The following GGPS1 variants were observed in gnomAD, a reference collection of about 807,000 sequenced individuals.
The protein encoded by GGPS1 is geranylgeranyl pyrophosphate synthase.
GGPS1 carries 15 observed loss-of-function variants against 28.1 expected under a neutral mutation model. That is an observed-to-expected ratio of 0.53 (90% CI 0.36 to 0.82). The LOEUF is 0.82. Ranked by LOEUF, GGPS1 falls within the 40% of genes least tolerant of loss-of-function variation. GGPS1 has a pLI of 0.01. For missense variants in GGPS1, 284 were observed against 348.3 expected (o/e 0.82, Z 1.47); for synonymous variants, 138 against 122.4 (o/e 1.13, Z -0.84).
At chr1:235,340,442 T>C (rs1189492719) in intron 2 of GGPS1, among the ~76,000 whole-genome samples, 3 of 148,064 alleles carry the variant, frequency 2.0e-5, no homozygotes, top group Non-Finnish European at 3.0e-5. Flanking sequence ...AGACCCTGTC[T>C]CAAAAAAAAA....
chr1:235,340,661 G>A lies in GGPS1; in HGVS notation c.71-1047G>A, dbSNP rs561397511. On this transcript the variant is annotated intron_variant, in intron 2 of 3. Transcript: ENST00000282841. Reference sequence around the variant, plus strand: ...TGAGGCAGGAGAATGGCGTGAACCCGGGAGGCGGAGCTTGCAGTGAGCCGA... The same window carrying A: ...TGAGGCAGGAGAATGGCGTGAACCCAGGAGGCGGAGCTTGCAGTGAGCCGA... 7.5e-5 allele frequency among the ~76,000 whole-genome samples: 11 copies of A among 146,690 alleles called. No homozygotes were observed. In the South Asian group the frequency reaches 1.3e-3, roughly 18 times the overall value.
At chr1:235,339,224 A>G (rs1011138236) in intron 2 of GGPS1, among the ~76,000 whole-genome samples, 5 of 151,804 alleles carry the variant, frequency 3.3e-5, no homozygotes, top group African/African-American at 1.2e-4. Context: ...GCTTGAACCT[A>G]GGAGGTGGAG....
intron 1 of GGPS1, among the ~76,000 whole-genome samples, chr1:235,333,871 C>T (rs1457868858): frequency 6.6e-6 from 1 of 151,980 alleles, no homozygotes; most frequent in African/African-American, 2.4e-5. Context: ...ATCATAGTCC[C>T]AAGAAGCAAA....
rs761005903 is a variant in GGPS1 at position 235,343,930 on chromosome 1, G to C, written c.*1158G>C. 1 of 166,752 alleles carries C rather than the reference G, an allele frequency of 6.0e-6. No individual in the cohort carries two copies. The highest frequency in any genetic ancestry group is 2.4e-5 in the African/African-American group (1 of 41,300). The allele number at this position is 166,752 out of a possible 1,614,324, so 10.3% of individuals were successfully genotyped here. A position where few individuals can be genotyped will look rare whatever the true frequency, so the allele number is the denominator to read the frequency against. ...TCCTTCCCGCCCACATCACCACCCC[G>C]ACTTGAAGACAGTAGGTGCTTGAAT... On this transcript the variant is annotated 3_prime_UTR_variant, in exon 4 of 4. Coordinates refer to ENST00000282841, the MANE Select transcript of GGPS1 (RefSeq NM_004837.4).
intron 2 of GGPS1, 63 bp downstream of exon 2, chr1:235,335,397 A>G: frequency 1.3e-6 from 1 of 761,760 alleles, no homozygotes. Flanking sequence ...TTCAAATGTT[A>G]GCAAATAGAA....
At chr1:235,337,670 A>C (rs1454484547) in intron 2 of GGPS1, among the ~76,000 whole-genome samples, 2 of 152,144 alleles carry the variant, frequency 1.3e-5, no homozygotes, top group African/African-American at 4.8e-5. Context: ...ATCTACTAAA[A>C]ATACAAATAT....
At chr1:235,340,453 A>G (rs1049001769) in intron 2 of GGPS1, among the ~76,000 whole-genome samples, 19 of 150,852 alleles carry the variant, frequency 1.3e-4, no homozygotes, top group Non-Finnish European at 8.9e-5. Flanking sequence ...CAAAAAAAAA[A>G]GCAAGAAGCG....
At chr1:235,329,786 C>T (rs1675638293) in intron 1 of GGPS1, 1 of 152,144 alleles carries the variant, frequency 6.6e-6, no homozygotes, top group Admixed American at 6.6e-5. Context: ...AATGTCATCC[C>T]TGGCTGAAGA....
intron 2 of GGPS1, among the ~76,000 whole-genome samples, chr1:235,339,089 C>A (rs1370078314): frequency 6.6e-6 from 1 of 152,080 alleles, no homozygotes; most frequent in Admixed American, 6.5e-5. Flanking sequence ...CACCTGAGGT[C>A]AGGAATTCAA....
chr1:235,336,991 CA>C, intron 2 of GGPS1: 1 of 178,790 alleles, frequency 5.6e-6, no homozygotes, highest in East Asian at 1.5e-4. Flanking sequence ...ATGGAGAATT[CA>C]AAGGGAAGGT....
At chr1:235,329,621 G>C (rs1487326369) in intron 1 of GGPS1, 3 of 149,706 alleles carry the variant, frequency 2.0e-5, no homozygotes, top group Admixed American at 6.6e-5. Flanking sequence ...TGGCGGAAGG[G>C]AGCTTTTCCA....
chr1:235,332,183 G>A lies in GGPS1; in HGVS notation c.-23-3059G>A, dbSNP rs578201557. ...GGGGGTCCATCACCCATGTAATCAC[G>A]TTGTACCCATTAAGTAATCTTTCAT... On this transcript the variant is annotated intron_variant, in intron 1 of 3. Coordinates refer to ENST00000282841, the MANE Select transcript of GGPS1 (RefSeq NM_004837.4). Among the ~76,000 whole-genome samples the A allele has an allele frequency of 9.2e-5, 14 of 152,240 alleles. No individual in the cohort carries two copies. The South Asian group carries it at 1.7e-3, about 18-fold the overall frequency.
intron 2 of GGPS1, among the ~76,000 whole-genome samples, chr1:235,341,225 G>A (rs1386468533): frequency 6.6e-6 from 1 of 152,134 alleles, no homozygotes; most frequent in Admixed American, 6.5e-5. Context: ...TACTCAGGAG[G>A]CTGAGGCACG....
chr1:235,334,507 T>C (rs371227612), intron 1 of GGPS1, among the ~76,000 whole-genome samples: 7 of 152,230 alleles, frequency 4.6e-5, no homozygotes, highest in African/African-American at 1.7e-4. Flanking sequence ...GTTTTTAGTG[T>C]ATTCACAGGG....
intron 1 of GGPS1, among the ~76,000 whole-genome samples, chr1:235,333,582 A>G (rs1675782102): frequency 1.3e-5 from 2 of 151,880 alleles, no homozygotes; most frequent in Non-Finnish European, 2.9e-5. Flanking sequence ...AAAAAAAACA[A>G]AAGGACCTTT....
intron 2 of GGPS1, among the ~76,000 whole-genome samples, chr1:235,335,839 G>A (rs926079914): frequency 1.3e-5 from 2 of 152,174 alleles, no homozygotes; most frequent in Admixed American, 6.5e-5. Flanking sequence ...GGGAAGTTAC[G>A]CAGATTTGTT....
rs554813790 is a variant in GGPS1 at position 235,342,725 on chromosome 1, G to T, written c.856G>T (p.Ala286Ser). 1.1e-4 allele frequency: 180 copies of T among 1,602,346 alleles called. 1 individual carries two copies. The South Asian group carries it at 1.7e-3, about 15-fold the overall frequency. ...ACGTGGTGGGAACCCTGAGCTAGTA[G>T]CCTTAGTAAAACACTTAAGTAAGAT... ...DARGGNPELV[A>S]LVKHLSKMFK... is the part of the protein sequence containing the mutation. Residue 286 changes from alanine (A) to serine (S), a missense_variant, in exon 4 of 4, where the codon GCC (alanine) becomes TCC (serine). Coordinates refer to ENST00000282841, the MANE Select transcript of GGPS1 (RefSeq NM_004837.4).
At chr1:235,335,215 G>T in intron 1 of GGPS1, 27 bp from the exon 2 acceptor site, 1 of 918,282 alleles carries the variant, frequency 1.1e-6, no homozygotes, top group South Asian at 1.4e-5. Flanking sequence ...AGTTTCATGT[G>T]ATCTTTATGT....
In GGPS1 at chr1:235,342,406, A is replaced by G; in HGVS notation, c.537A>G (p.Thr179=). The change falls in exon 4 of 4, where the codon ACA becomes ACG. Residue 179 remains threonine (T), a synonymous_variant. Coordinates refer to ENST00000282841, the MANE Select transcript of GGPS1 (RefSeq NM_004837.4). The part of the protein sequence containing the change: ...YKEDLKPLLN[T]LGLFFQIRDD... Reference sequence around the variant, plus strand: ...AAGATTTAAAACCGCTACTTAATACACTTGGGCTCTTTTTCCAAATTAGGG... The same window carrying G: ...AAGATTTAAAACCGCTACTTAATACGCTTGGGCTCTTTTTCCAAATTAGGG... 1.2e-6 allele frequency: 2 copies of G among 1,613,906 alleles called. No homozygotes were observed. Among genetic ancestry groups the G allele is most frequent in the Non-Finnish European group, 1.7e-6 (2 of 1,179,804 alleles).
Sources: gnomAD v4.1 joint callset for allele counts (sites outside exome capture counted in the v4.1 genomes callset) on GRCh38, gnomAD v4.1.1 for gene constraint, MANE v1.5 for transcripts, NCBI Gene and HGNC (gene_info 2026-07-23, HGNC 2026-07-21) for gene names.